KCNN3: variants seen among roughly 807,000 people sequenced by gnomAD.
KCNN3 encodes small conductance calcium-activated potassium channel protein 3.
In KCNN3, 16 loss-of-function variants were observed where a neutral mutation model predicts 62.9. That is an observed-to-expected ratio of 0.25 (90% CI 0.17 to 0.39). KCNN3 has a LOEUF of 0.39. Among genes scored for constraint, KCNN3 ranks in the 10% least tolerant of loss-of-function variants. KCNN3 has a pLI of 1.00. For synonymous variants in KCNN3, 370 were observed against 389.2 expected (o/e 0.95, Z 0.58); for missense variants, 599 against 949.4 (o/e 0.63, Z 4.85).
chr1:154,725,519 A>G (rs1700442668), intron 5 of KCNN3, among the ~76,000 whole-genome samples: 2 of 148,634 alleles, frequency 1.3e-5, no homozygotes, highest in African/African-American at 2.5e-5. Flanking sequence ...CCCATACGAC[A>G]TGACCATTTG....
At chr1:154,820,894 C>T (rs935277631) in intron 2 of KCNN3, among the ~76,000 whole-genome samples, 2 of 152,236 alleles carry the variant, frequency 1.3e-5, no homozygotes, top group Non-Finnish European at 2.9e-5. Flanking sequence ...TGGCCCCTGA[C>T]CTTCAGACAA....
chr1:154,705,454 G>C lies in KCNN3; in HGVS notation c.*2522C>G, dbSNP rs573289874. 6.6e-6 allele frequency: 1 copy of C among 151,552 alleles called. No individual in the cohort carries two copies. The highest frequency in any genetic ancestry group is 2.1e-4 in the South Asian group (1 of 4,798). 9.4% of individuals were successfully genotyped at this position (151,552 alleles called of 1,614,324 possible). A position where few individuals can be genotyped will look rare whatever the true frequency, so the allele number is the denominator to read the frequency against. On this transcript the variant is annotated 3_prime_UTR_variant, in exon 8 of 8. Transcript: ENST00000271915. ...TGTATAGCTATTGCACTACCAATAG[G>C]TCAATTCATGCTACAAATGTCCATG... is the stretch of plus-strand genomic sequence containing the variant.
chr1:154,802,009 A>C (rs1055016515), intron 2 of KCNN3, among the ~76,000 whole-genome samples: 1 of 152,206 alleles, frequency 6.6e-6, no homozygotes, highest in Non-Finnish European at 1.5e-5. Context: ...ATTAGCACTT[A>C]CTGCATGCGG....
chr1:154,868,407 T>C (rs1653032946), intron 1 of KCNN3: 1 of 969,232 alleles, frequency 1.0e-6, no homozygotes, highest in African/African-American at 1.8e-5. Flanking sequence ...GGTTTTCTAT[T>C]TTGCCCGAGA....
At chr1:154,711,856 A>G in intron 7 of KCNN3, among the ~76,000 whole-genome samples, 1 of 152,156 alleles carries the variant, frequency 6.6e-6, no homozygotes, top group East Asian at 1.9e-4. Context: ...AGCCTGTTAC[A>G]GTCTGTCGCG....
intron 5 of KCNN3, among the ~76,000 whole-genome samples, chr1:154,719,656 A>G (rs1484043341): frequency 6.6e-6 from 1 of 152,200 alleles, no homozygotes; most frequent in African/African-American, 2.4e-5. Context: ...CCTGCAAGCC[A>G]GCCCTTGACT....
At chr1:154,868,346 T>A (rs1653031011) in intron 1 of KCNN3, 1 of 987,286 alleles carries the variant, frequency 1.0e-6, no homozygotes, top group Non-Finnish European at 1.2e-6. Context: ...ACCACTGATT[T>A]CCTCCACCTA....
At chr1:154,863,889 A>G (rs886386379) in intron 1 of KCNN3, among the ~76,000 whole-genome samples, 1 of 152,218 alleles carries the variant, frequency 6.6e-6, no homozygotes, top group Non-Finnish European at 1.5e-5. Context: ...TAGTGTGATG[A>G]CACGCAAAGG....
rs557073337 is a variant in KCNN3, at chr1:154,772,231, G to A, written c.1192C>T (p.Arg398Trp). ...ATGATGTCCACATCGGCCTCCGCCC[G>A]GGAGGGTGTGTAGGAGAAGGCCAGG... ...ARLAFSYTPS[R>W]AEADVDIILS... is the part of the protein sequence containing the mutation. The change falls in exon 3 of 8, where the codon CGG (arginine) becomes TGG (tryptophan). Residue 398 changes from arginine (R) to tryptophan (W), a missense_variant. Arg to Trp is a moderately radical substitution (Grantham distance 101). Around this residue, in one of 7 missense-constraint regions of KCNN3, gnomAD observed 288 missense variants for 557.4 expected, o/e 0.52. Coordinates refer to ENST00000271915, the MANE Select transcript of KCNN3 (RefSeq NM_002249.6). This position sits in a 1 kb window ranked among gnomAD's most constrained non-coding sequence, Gnocchi z 5.6. 12 of 1,614,254 alleles carry A rather than the reference G, an allele frequency of 7.4e-6. No individual in the cohort carries two copies. Among genetic ancestry groups the A allele is most frequent in the South Asian group, 4.4e-5 (4 of 91,086 alleles).
chr1:154,833,149 C>A (rs1027295023), intron 1 of KCNN3, among the ~76,000 whole-genome samples: 4 of 152,158 alleles, frequency 2.6e-5, no homozygotes, highest in South Asian at 2.1e-4. Flanking sequence ...CCCAGCTGAA[C>A]CTTCCAACTT....
chr1:154,758,052 T>C (rs1206640538), intron 3 of KCNN3, among the ~76,000 whole-genome samples: 1 of 152,192 alleles, frequency 6.6e-6, no homozygotes, highest in Non-Finnish European at 1.5e-5. Flanking sequence ...GTACTTGAAC[T>C]TCTTTCGTGC....
At chr1:154,731,080 G>A (rs1700583206) in intron 4 of KCNN3, among the ~76,000 whole-genome samples, 2 of 152,140 alleles carry the variant, frequency 1.3e-5, no homozygotes, top group South Asian at 4.1e-4. Flanking sequence ...AAATAACAGA[G>A]GCTCCCGGCA....
At chr1:154,714,053 T>G (rs1355660369) in intron 6 of KCNN3, among the ~76,000 whole-genome samples, 14 of 20,550 alleles carry the variant, frequency 6.8e-4, no homozygotes, top group East Asian at 1.7e-3. Flanking sequence ...GTGTGCGGGG[T>G]GTGTGTGTGT....
rs1359512001 is a variant in KCNN3 at position 154,700,359 on chromosome 1, G to A, written c.*7617C>T. 6.6e-6 allele frequency: 1 copy of A among 152,234 alleles called. No homozygotes were observed. Among genetic ancestry groups the A allele is most frequent in the Admixed American group, 6.5e-5 (1 of 15,288 alleles). 9.4% of individuals were successfully genotyped at this position (152,234 alleles called of 1,614,324 possible). A position where few individuals can be genotyped will look rare whatever the true frequency, so the allele number is the denominator to read the frequency against. Reference sequence around the variant, plus strand: ...TAGCAAGGGTTAGCATATAGCCATGGACTTGAATTACTGTCAAGAGGTCTG... The same window carrying A: ...TAGCAAGGGTTAGCATATAGCCATGAACTTGAATTACTGTCAAGAGGTCTG... On this transcript the variant is annotated 3_prime_UTR_variant, in exon 8 of 8. Coordinates refer to ENST00000271915, the MANE Select transcript of KCNN3 (RefSeq NM_002249.6).
chr1:154,852,821 G>A (rs184840473), intron 1 of KCNN3, among the ~76,000 whole-genome samples: 4 of 151,876 alleles, frequency 2.6e-5, no homozygotes, highest in Admixed American at 6.6e-5. Flanking sequence ...CTCCCATTTC[G>A]TGTCCACCGG....
chr1:154,778,068 G>A (rs949090434), intron 2 of KCNN3, among the ~76,000 whole-genome samples: 1 of 152,176 alleles, frequency 6.6e-6, no homozygotes, highest in Admixed American at 6.5e-5. Context: ...CTGGTTTCCT[G>A]AAAATTCCAT....
At chr1:154,737,154 C>T (rs1442225818) in intron 3 of KCNN3, 1 of 534,318 alleles carries the variant, frequency 1.9e-6, no homozygotes, top group East Asian at 4.3e-5. Context: ...GCGGTTTACA[C>T]ATGTCACAAA....
intron 3 of KCNN3, among the ~76,000 whole-genome samples, chr1:154,749,830 G>T (rs886440612): frequency 2.2e-4 from 33 of 152,160 alleles, no homozygotes; most frequent in Non-Finnish European, 2.9e-5. Context: ...CCCTGACCCG[G>T]GGTCCCCACG....
At chr1:154,721,723 G>T (rs1028104261) in intron 5 of KCNN3, among the ~76,000 whole-genome samples, 18 of 152,050 alleles carry the variant, frequency 1.2e-4, no homozygotes, top group African/African-American at 4.1e-4. Flanking sequence ...GTGGCACCCA[G>T]GGAGTGGCCT....
Sources: allele counts gnomAD v4.1 joint callset (sites outside exome capture counted in the v4.1 genomes callset), GRCh38; gene constraint gnomAD v4.1.1; regional missense constraint gnomAD v4.1.1; non-coding constraint Gnocchi (gnomAD v3.1); transcripts MANE v1.5; gene names NCBI Gene and HGNC (gene_info 2026-07-23, HGNC 2026-07-21).